The following UBXN4 variants were observed in gnomAD, a reference collection of about 807,000 sequenced individuals.
UBXN4 encodes UBX domain protein 4, also known as UBX domain-containing protein 4.
A neutral mutation model predicts 66.2 loss-of-function variants in UBXN4; 35 were observed. That is an observed-to-expected ratio of 0.53 (90% CI 0.40 to 0.70). The LOEUF is 0.70. Among genes scored for constraint, UBXN4 ranks in the 30% least tolerant of loss-of-function variants. UBXN4 has a pLI of 0.00. For missense variants in UBXN4, 533 were observed against 599.8 expected (o/e 0.89, Z 1.16); for synonymous variants, 203 against 204.5 (o/e 0.99, Z 0.06).
At chr2:135,760,874 A>G (rs1559540432) in intron 5 of UBXN4, among the ~76,000 whole-genome samples, 1 of 152,188 alleles carries the variant, frequency 6.6e-6, no homozygotes, top group Non-Finnish European at 1.5e-5. Flanking sequence ...GTTGATTTCA[A>G]GCTACCTAGG....
intron 2 of UBXN4, among the ~76,000 whole-genome samples, chr2:135,750,932 T>G (rs2077237604): frequency 7.4e-6 from 1 of 134,980 alleles, no homozygotes; most frequent in African/African-American, 2.8e-5. Flanking sequence ...CTCGGCTCAC[T>G]GCAAGCTCCG....
chr2:135,743,667 T>C (rs567365403), intron 1 of UBXN4, among the ~76,000 whole-genome samples: 1 of 152,232 alleles, frequency 6.6e-6, no homozygotes, highest in South Asian at 2.1e-4. Context: ...GGTATAGAAA[T>C]CAGAAATTTG....
intron 2 of UBXN4, 41 bp from the exon 3 acceptor site, chr2:135,753,498 C>G: frequency 2.7e-6 from 4 of 1,500,208 alleles, no homozygotes; most frequent in Non-Finnish European, 2.6e-6. Context: ...TTAGAAAATA[C>G]TTGCATTCAT....
chr2:135,770,740 G>A lies in UBXN4; in HGVS notation c.822+5G>A, dbSNP rs2077378361. Reference sequence around the variant, plus strand: ...ATAAAACAGCAGATTGCATTGGTAAGTCTTAAGTTTCCAGACATTCGTGAA... The same window carrying A: ...ATAAAACAGCAGATTGCATTGGTAAATCTTAAGTTTCCAGACATTCGTGAA... On this transcript the variant is annotated splice_donor_5th_base_variant and intron_variant, in intron 8 of 12. Transcript: ENST00000272638. 6.7e-7 allele frequency: 1 copy of A among 1,485,614 alleles called. No individual in the cohort carries two copies. The highest frequency in any genetic ancestry group is 8.9e-7 in the Non-Finnish European group (1 of 1,121,414). The allele number at this position is 1,485,614 out of a possible 1,614,324, so 92.0% of individuals were successfully genotyped here. A position where few individuals can be genotyped will look rare whatever the true frequency, so the allele number is the denominator to read the frequency against.
At chr2:135,770,865 A>G in intron 8 of UBXN4, 130 bp downstream of exon 8, 2 of 912,342 alleles carry the variant, frequency 2.2e-6, no homozygotes, top group East Asian at 6.7e-5. Context: ...GCTTCCTTTT[A>G]TTAGAAATTG....
intron 9 of UBXN4, among the ~76,000 whole-genome samples, chr2:135,775,154 T>C (rs1202868848): frequency 6.6e-6 from 1 of 152,176 alleles, no homozygotes; most frequent in African/African-American, 2.4e-5. Flanking sequence ...AATAAGTGTT[T>C]GTGAGGATGT....
rs561697140 is a variant in UBXN4 at position 135,777,868 on chromosome 2, G to T, written c.1054-1080G>T. ...ACTGTACTCCAGTCTGTGCAACAGA[G>T]CAAGACTCCATCTCAAAAAAAACAA... On this transcript the variant is annotated intron_variant, in intron 10 of 12. Coordinates refer to ENST00000272638, the MANE Select transcript of UBXN4 (RefSeq NM_014607.4). 2.0e-5 allele frequency among the ~76,000 whole-genome samples: 3 copies of T among 151,154 alleles called. No individual in the cohort carries two copies. In the South Asian group the frequency reaches 6.3e-4, roughly 32 times the overall value.
Position 135,755,623 on chromosome 2 carries a change from C to CT in UBXN4, c.441dup (p.Gln148SerfsTer9), listed in dbSNP as rs1575316359. On this transcript the variant is annotated frameshift_variant, in exon 5 of 13. Transcript: ENST00000272638. LOFTEE classifies it high-confidence loss of function. ...GAACCTAACAACACTTGTGAAAACT[C>CT]TCAGTCCAGAAATGCAGAGCTTTGT... The CT allele has an allele frequency of 5.0e-6, 8 of 1,609,038 alleles. No individual in the cohort carries two copies. The highest frequency in any genetic ancestry group is 1.3e-5 in the African/African-American group (1 of 74,766).
intron 10 of UBXN4, among the ~76,000 whole-genome samples, chr2:135,778,172 C>A (rs2077429354): frequency 8.0e-6 from 1 of 124,228 alleles, no homozygotes; most frequent in Non-Finnish European, 1.6e-5. Context: ...GCAAGACTGT[C>A]TCAAAAAAAA....
chr2:135,781,210 G>A (rs2077447221), intron 12 of UBXN4, among the ~76,000 whole-genome samples: 3 of 152,180 alleles, frequency 2.0e-5, no homozygotes, highest in Admixed American at 1.3e-4. Context: ...CAGAGTAAGA[G>A]TGAGATCCTG....
chr2:135,766,069 C>T (rs942708866), intron 6 of UBXN4, among the ~76,000 whole-genome samples: 2 of 151,746 alleles, frequency 1.3e-5, no homozygotes, highest in South Asian at 4.2e-4. Context: ...AGGAAAATTG[C>T]TTGAACCCAG....
chr2:135,780,156 T>C, intron 11 of UBXN4, 27 bp from the exon 12 acceptor site: 2 of 1,610,104 alleles, frequency 1.2e-6, no homozygotes, highest in Non-Finnish European at 1.7e-6. Context: ...ACGTAGTCTT[T>C]ATCTAGGTTT....
At position 135,754,139 on chromosome 2, in the gene UBXN4, G is replaced by C. The variant is rs1269527332; in HGVS notation, c.215-20G>C. The C allele has an allele frequency of 2.6e-6, 4 of 1,537,796 alleles. No homozygotes were observed. In the African/African-American group the frequency reaches 5.5e-5, roughly 21 times the overall value. On this transcript the variant is annotated intron_variant, in intron 3 of 12. Transcript: ENST00000272638. ...TCCTTTCGTTTCACATGAATTGTTA[G>C]ACTTCATTAAACTGTACAGATCCTG... is the stretch of plus-strand genomic sequence containing the variant.
At chr2:135,751,253 C>T (rs927153102) in intron 2 of UBXN4, among the ~76,000 whole-genome samples, 1 of 151,496 alleles carries the variant, frequency 6.6e-6, no homozygotes, top group Non-Finnish European at 1.5e-5. Flanking sequence ...GTAACGTGAT[C>T]TTGGCTCACT....
rs908667965 is a variant in UBXN4, at chr2:135,776,128, C to A, written c.951-121C>A. ...AGCAGTTATTAACAAACAAAAAGAT[C>A]TGATATGGTAGAAAAAACTATTGTC... On this transcript the variant is annotated intron_variant, in intron 9 of 12. Transcript: ENST00000272638. The A allele has an allele frequency of 6.8e-6, 5 of 734,140 alleles. No individual in the cohort carries two copies. In the African/African-American group the frequency reaches 8.9e-5, roughly 13 times the overall value. The allele number at this position is 734,140 out of a possible 1,614,324, so 45.5% of individuals were successfully genotyped here. A position where few individuals can be genotyped will look rare whatever the true frequency, so the allele number is the denominator to read the frequency against.
chr2:135,747,676 C>T (rs1435709517), intron 1 of UBXN4: 2 of 456,088 alleles, frequency 4.4e-6, no homozygotes, highest in South Asian at 1.5e-5. Context: ...ACTGTGTCAC[C>T]CAGGCTGGAG....
Position 135,782,809 on chromosome 2 carries a change from A to T in UBXN4, c.1449A>T (p.Lys483Asn). The T allele has an allele frequency of 6.2e-7, 1 of 1,614,034 alleles. No homozygotes were observed. Among genetic ancestry groups the T allele is most frequent in the Non-Finnish European group, 8.5e-7 (1 of 1,179,944 alleles). Residue 483 changes from lysine to asparagine, a missense_variant, in exon 13 of 13, where the codon AAA becomes AAT. Coordinates refer to ENST00000272638, the MANE Select transcript of UBXN4 (RefSeq NM_014607.4). The stretch of plus-strand genomic sequence containing the variant: ...GAGACGACTTTAAAAAGGAGGGGAA[A>T]ATTTATAGATTAAGGACTCAAGATG... ...KRGDDFKKEG[K>N]IYRLRTQDDG...
At chr2:135,765,077 G>T (rs1226498305) in intron 6 of UBXN4, among the ~76,000 whole-genome samples, 2 of 152,174 alleles carry the variant, frequency 1.3e-5, no homozygotes, top group South Asian at 2.1e-4. Context: ...GCTTCTTCAA[G>T]TGCTGAGATT....
intron 10 of UBXN4, among the ~76,000 whole-genome samples, chr2:135,777,406 A>G (rs923952010): frequency 2.0e-4 from 30 of 152,192 alleles, no homozygotes; most frequent in African/African-American, 7.2e-4. Context: ...TAGGCTGGAC[A>G]ATGTAAACGT....
Sources: gnomAD v4.1 joint callset for allele counts (sites outside exome capture counted in the v4.1 genomes callset) on GRCh38, gnomAD v4.1.1 for gene constraint, MANE v1.5 for transcripts, NCBI Gene and HGNC (gene_info 2026-07-23, HGNC 2026-07-21) for gene names.